The following NRXN2 variants were observed in gnomAD, a reference collection of about 807,000 sequenced individuals.
NRXN2 encodes neurexin 2.
NRXN2 carries 29 observed loss-of-function variants against 128.8 expected under a neutral mutation model. That is an observed-to-expected ratio of 0.23 (90% CI 0.17 to 0.31). The LOEUF is 0.31. NRXN2 is among the 10% of genes least tolerant of loss of function. The pLI is 1.00. For synonymous variants in NRXN2, 1,098 were observed against 1,075.2 expected (o/e 1.02, Z -0.41); for missense variants, 1,881 against 2,452.6 (o/e 0.77, Z 4.92).
intron 9 of NRXN2, among the ~76,000 whole-genome samples, chr11:64,663,027 T>C (rs2049272487): frequency 6.6e-6 from 1 of 152,006 alleles, no homozygotes; most frequent in Admixed American, 6.6e-5. Flanking sequence ...AACTGGGACC[T>C]CCTCTACAGA....
rs2039718087 is a variant in NRXN2, at chr11:64,606,910, C to T, written c.*286G>A. ...AACCCCACCAAAATAAAACTACCCC[C>T]TTAAAAAAATAAATCAACCCAGGGC... is the stretch of plus-strand genomic sequence containing the variant. On this transcript the variant is annotated 3_prime_UTR_variant, in exon 23 of 23. Transcript: ENST00000265459. The T allele has an allele frequency of 2.4e-6, 1 of 416,442 alleles. No individual in the cohort carries two copies. Among genetic ancestry groups the T allele is most frequent in the African/African-American group, 2.0e-5 (1 of 50,682 alleles). The allele number at this position is 416,442 out of a possible 1,614,324, so 25.8% of individuals were successfully genotyped here.
intron 22 of NRXN2, among the ~76,000 whole-genome samples, chr11:64,610,813 C>A (rs2040513918): frequency 6.6e-6 from 1 of 152,196 alleles, no homozygotes. Context: ...CGGTCGTAAC[C>A]TGGGCCCAAT....
intron 2 of NRXN2, 129 bp downstream of exon 2, chr11:64,712,841 G>T: frequency 1.1e-6 from 1 of 884,656 alleles, no homozygotes; most frequent in Non-Finnish European, 1.8e-6. Context: ...TGGAGCGCTC[G>T]CACCCACTCA....
Position 64,651,476 on chromosome 11 carries a change from A to C in NRXN2, c.2697T>G (p.Gly899=), listed in dbSNP as rs201511158. 80 of 1,614,136 alleles carry C rather than the reference A, an allele frequency of 5.0e-5. No individual in the cohort carries two copies. The African/African-American group carries it at 8.7e-4, about 17-fold the overall frequency. The change falls in exon 14 of 23, where the codon GGT becomes GGG. Residue 899 remains glycine (G), a synonymous_variant. Transcript: ENST00000265459. The surrounding 1 kb of genome is among the most constrained non-coding windows in gnomAD (Gnocchi z 5.9). ...CATTGAGCTCACAGTAGGTGATGTC[A>C]CCATCCTTGCACTGGTCCATGTAGG... The part of the protein sequence containing the change: ...GQPYMDQCKD[G]DITYCELNAR...
chr11:64,608,249 G>T (rs1591435516), intron 22 of NRXN2, among the ~76,000 whole-genome samples, 167 bp from the exon 23 acceptor site: 1 of 152,194 alleles, frequency 6.6e-6, no homozygotes, highest in African/African-American at 2.4e-5. Context: ...CGAGCACTGC[G>T]CTTTAAGCGG....
At chr11:64,705,944 A>G (rs537669432) in intron 2 of NRXN2, among the ~76,000 whole-genome samples, 69 of 145,318 alleles carry the variant, frequency 4.7e-4, no homozygotes, top group African/African-American at 1.7e-3. Flanking sequence ...CCACTCCCCA[A>G]GACAACCAAG....
At chr11:64,633,520 T>C (rs990085655) in intron 18 of NRXN2, among the ~76,000 whole-genome samples, 1 of 152,096 alleles carries the variant, frequency 6.6e-6, no homozygotes, top group African/African-American at 2.4e-5. Flanking sequence ...CTGCAAGCCA[T>C]GCAGAGCTTC....
rs112854362 is a variant in NRXN2 at position 64,615,856 on chromosome 11, G to GCA, written c.4252+4437_4252+4438insTG. On this transcript the variant is annotated intron_variant, in intron 22 of 22. Coordinates refer to ENST00000265459, the MANE Select transcript of NRXN2 (RefSeq NM_015080.4). ...TGTGTGTGTGTGTGTGTGTGTGTGT[G>GCA]TGTGTGTGTGTGTATGTGTATACCT... Among the ~76,000 whole-genome samples, 381 of 79,462 alleles carry GCA rather than the reference G, an allele frequency of 4.8e-3. 4 individuals are homozygous for GCA. Among genetic ancestry groups the GCA allele is most frequent in the East Asian group, 0.019 (16 of 832 alleles). 52.1% of individuals were successfully genotyped at this position (79,462 alleles called of 152,430 possible).
chr11:64,642,000 A>G (rs1301243039), intron 17 of NRXN2, among the ~76,000 whole-genome samples: 3 of 152,098 alleles, frequency 2.0e-5, no homozygotes, highest in Non-Finnish European at 2.9e-5. Context: ...AGAGACATAC[A>G]TGAAGAGGTC....
intron 1 of NRXN2, among the ~76,000 whole-genome samples, chr11:64,720,939 G>A (rs1294360742): frequency 6.6e-6 from 1 of 152,144 alleles, no homozygotes. Context: ...TGAGTGGTTG[G>A]ATGGGGGCTG....
intron 19 of NRXN2, among the ~76,000 whole-genome samples, chr11:64,629,180 G>A (rs565052891): frequency 2.6e-5 from 4 of 152,314 alleles, no homozygotes; most frequent in South Asian, 2.1e-4. Flanking sequence ...GCCTCAGCCT[G>A]GCTATCTCTC....
chr11:64,655,651 G>A (rs1371220793), intron 11 of NRXN2, among the ~76,000 whole-genome samples: 1 of 152,188 alleles, frequency 6.6e-6, no homozygotes, highest in Non-Finnish European at 1.5e-5. Context: ...GGGAGCACCA[G>A]GAATGGGGGG....
chr11:64,668,812 G>A (rs1172217877), intron 7 of NRXN2, among the ~76,000 whole-genome samples: 2 of 152,146 alleles, frequency 1.3e-5, no homozygotes, highest in African/African-American at 2.4e-5. Context: ...TTTCAGGGTG[G>A]GCTAAGACCT....
chr11:64,682,971 A>G (rs2135557342), intron 6 of NRXN2, among the ~76,000 whole-genome samples: 1 of 152,274 alleles, frequency 6.6e-6, no homozygotes, highest in African/African-American at 2.4e-5. Context: ...CAAGGGAAAA[A>G]GGGAAATTCT....
In NRXN2 at chr11:64,631,476, G is replaced by A. The variant is rs895895294; in HGVS notation, c.3586-903C>T. ...TTGTGGTGCTAGAGTGGGAGGGAGG[G>A]CTTCACCAAACCCTAAATCATGCCA... On this transcript the variant is annotated intron_variant, in intron 18 of 22. Transcript: ENST00000265459. This position sits in a 1 kb window ranked among gnomAD's most constrained non-coding sequence, Gnocchi z 4.8. 6.6e-6 allele frequency among the ~76,000 whole-genome samples: 1 copy of A among 151,938 alleles called. No individual in the cohort carries two copies. Among genetic ancestry groups the A allele is most frequent in the African/African-American group, 2.4e-5 (1 of 41,310 alleles).
At chr11:64,634,523 A>C (rs371325401) in intron 18 of NRXN2, among the ~76,000 whole-genome samples, 1 of 152,142 alleles carries the variant, frequency 6.6e-6, no homozygotes, top group East Asian at 1.9e-4. Context: ...GGAGGCCCAG[A>C]GGGAGACCCT....
chr11:64,682,635 C>T (rs2135556693), intron 6 of NRXN2, among the ~76,000 whole-genome samples: 1 of 152,332 alleles, frequency 6.6e-6, no homozygotes, highest in East Asian at 1.9e-4. Context: ...TGTGATATTT[C>T]GATAGCCAGC....
Position 64,660,515 on chromosome 11 carries a change from C to G in NRXN2, c.2206G>C (p.Asp736His), listed in dbSNP as rs1340670128. The change falls in exon 11 of 23, where the codon GAT becomes CAT. Residue 736 changes from aspartate to histidine, a missense_variant. By Grantham distance (81) the Asp-to-His change is moderately conservative (BLOSUM62 -1). Coordinates refer to ENST00000265459, the MANE Select transcript of NRXN2 (RefSeq NM_015080.4). The surrounding 1 kb of genome is among the most constrained non-coding windows in gnomAD (Gnocchi z 5.2). ...CEREATVLSY[D>H]GSMYMKIMLP... The stretch of plus-strand genomic sequence containing the variant: ...ATGATCTTCATGTACATGGAGCCAT[C>G]GTAGCTCAGGACCGTGGCCTCTGCC... 6.2e-7 allele frequency: 1 copy of G among 1,613,948 alleles called. No individual in the cohort carries two copies. The highest frequency in any genetic ancestry group is 8.5e-7 in the Non-Finnish European group (1 of 1,180,012).
rs561635012 is a variant in NRXN2 at position 64,630,924 on chromosome 11, G to A, written c.3586-351C>T. Among the ~76,000 whole-genome samples the A allele has an allele frequency of 1.6e-4, 25 of 152,326 alleles. No homozygotes were observed. The highest frequency in any genetic ancestry group is 1.9e-4 in the East Asian group (1 of 5,178). ...ATCGGGCCAAGCTGGGGACCAGCTCGGGGCATGGAGGGCAGAGGCCTCTCT... is the reference window on the plus strand; with the variant it reads ...ATCGGGCCAAGCTGGGGACCAGCTCAGGGCATGGAGGGCAGAGGCCTCTCT... On this transcript the variant is annotated intron_variant, in intron 18 of 22. Transcript: ENST00000265459. The surrounding 1 kb of genome is among the most constrained non-coding windows in gnomAD (Gnocchi z 4.6).
Sources: gnomAD v4.1 joint callset for allele counts (sites outside exome capture counted in the v4.1 genomes callset) on GRCh38, gnomAD v4.1.1 for gene constraint, Gnocchi (gnomAD v3.1) non-coding constraint, MANE v1.5 for transcripts, NCBI Gene and HGNC (gene_info 2026-07-23, HGNC 2026-07-21) for gene names.